GBP1: variants seen among roughly 807,000 people sequenced by gnomAD.
The protein encoded by GBP1 is guanylate-binding protein 1.
GBP1 carries 64 observed loss-of-function variants against 69.5 expected under a neutral mutation model. The ratio of observed to expected loss-of-function variants is 0.92; its 90% CI spans 0.75 to 1.13. The LOEUF (loss-of-function observed/expected upper bound fraction) is 1.13, where lower values mean the gene tolerates loss of function less well. GBP1 is among the 50% of genes most tolerant of loss of function. The pLI, the probability that GBP1 is intolerant of heterozygous loss-of-function variation, is 0.00. For synonymous variants in GBP1, 250 were observed against 261.2 expected (o/e 0.96, Z 0.41); for missense variants, 630 against 704.1 (o/e 0.89, Z 1.19).
intron 7 of GBP1, 55 bp from the exon 8 acceptor site, chr1:89,056,283 A>T: frequency 1.9e-6 from 3 of 1,612,698 alleles, no homozygotes; most frequent in Non-Finnish European, 8.5e-7. Context: ...TGTTAGCTTG[A>T]CCTCAGAATT....
chr1:89,062,673 C>A, intron 2 of GBP1: 1 of 176,716 alleles, frequency 5.7e-6, no homozygotes, highest in South Asian at 1.4e-4. Flanking sequence ...AAAATAATAT[C>A]CACTACAGAT....
intron 2 of GBP1, 136 bp downstream of exon 2, chr1:89,062,909 A>C (rs1021405850): frequency 9.8e-7 from 1 of 1,022,390 alleles, no homozygotes; most frequent in Admixed American, 2.4e-5. Context: ...GCGTGAAGAT[A>C]AGGAGCCCGA....
intron 5 of GBP1, chr1:89,058,489 G>A (rs1469165943): frequency 3.9e-6 from 2 of 517,414 alleles, no homozygotes; most frequent in Admixed American, 7.2e-5. Flanking sequence ...GTTTGCCAAT[G>A]CTTGGACTAG....
rs148954716 is a variant in GBP1, at chr1:89,063,215, A to G, written c.20T>C (p.Met7Thr). 1.3e-5 allele frequency: 21 copies of G among 1,614,014 alleles called. No individual in the cohort carries two copies. The African/African-American group carries it at 2.3e-4, about 17-fold the overall frequency. The change falls in exon 2 of 11, where the codon ATG becomes ACG. Residue 7 changes from methionine (M) to threonine (T), a missense_variant. Met to Thr is a moderately conservative substitution (Grantham distance 81, BLOSUM62 -1). Coordinates refer to ENST00000370473, the MANE Select transcript of GBP1 (RefSeq NM_002053.3). Reference protein sequence around the residue: MASEIHMTGPMCLIENT... With the variant: MASEIHTTGPMCLIENT... ...CTCAATGAGGCACATTGGGCCTGTC[A>G]TGTGGATCTCTGATGCCATGTCCAG...
chr1:89,064,240 TGA>T (rs34743787), intron 1 of GBP1, among the ~76,000 whole-genome samples: 4,828 of 99,094 alleles, frequency 0.049, 168 homozygotes, highest in Admixed American at 0.1. Flanking sequence ...TGTGTGTGTG[TGA>T]GAGAGAGAGA....
rs1185680728 is a variant in GBP1, at chr1:89,053,382, T to A, written c.1752A>T (p.Arg584Ser). 1 of 1,613,632 alleles carries A rather than the reference T, an allele frequency of 6.2e-7. No individual in the cohort carries two copies. Residue 584 changes from arginine to serine, a missense_variant, in exon 11 of 11, where the codon AGA (arginine) becomes AGT (serine). Around this residue, in one of 5 missense-constraint regions of GBP1, gnomAD observed 71 missense variants for 72.7 expected, o/e 0.98. Coordinates refer to ENST00000370473, the MANE Select transcript of GBP1 (RefSeq NM_002053.3). ...NEIQDLQTKMRRRKACTIS is the reference protein window; with the variant it reads ...NEIQDLQTKMSRRKACTIS ...AGCTTATGGTACATGCCTTTCGTCG[T>A]CTCATTTTCGTCTGGAGATCCTGTA...
chr1:89,059,465 A>G lies in GBP1; in HGVS notation c.319-39T>C, dbSNP rs529800919. 6 of 1,611,090 alleles carry G rather than the reference A, an allele frequency of 3.7e-6. No homozygotes were observed. The African/African-American group carries it at 4.0e-5, about 11-fold the overall frequency. On this transcript the variant is annotated intron_variant, in intron 3 of 10. Coordinates refer to ENST00000370473, the MANE Select transcript of GBP1 (RefSeq NM_002053.3). ...CACACTGGAGTCAGGAGCAAGTTTCATCATCGCAGCACTTTTCAGAGTAAC... is the reference window on the plus strand; with the variant it reads ...CACACTGGAGTCAGGAGCAAGTTTCGTCATCGCAGCACTTTTCAGAGTAAC...
At chr1:89,054,428 C>G (rs571062954) in intron 10 of GBP1, among the ~76,000 whole-genome samples, 13 of 152,202 alleles carry the variant, frequency 8.5e-5, no homozygotes, top group Non-Finnish European at 1.9e-4. Context: ...TGATGCCTAG[C>G]AGATAATAGC....
chr1:89,064,395 G>T (rs114704581), intron 1 of GBP1, among the ~76,000 whole-genome samples: 4 of 152,088 alleles, frequency 2.6e-5, no homozygotes, highest in Admixed American at 6.6e-5. Context: ...AGTAAGCAAA[G>T]ATATTTTCTG....
intron 10 of GBP1, among the ~76,000 whole-genome samples, chr1:89,054,011 G>GTAAATATTACTAGCTGATATATTACTAGC (rs1245490980): frequency 1.3e-5 from 2 of 152,176 alleles, no homozygotes; most frequent in African/African-American, 4.8e-5. Flanking sequence ...TTTACTAGCT[G>GTAAATATTACTAGCTGATATATTACTAGC]TGTGAACTTA....
At position 89,058,077 on chromosome 1, in the gene GBP1, C is replaced by T. The variant is rs757326291; in HGVS notation, c.789G>A (p.Val263=). The change falls in exon 6 of 11, where the codon GTG becomes GTA. Residue 263 remains valine (V), a synonymous_variant. Coordinates refer to ENST00000370473, the MANE Select transcript of GBP1 (RefSeq NM_002053.3). Reference sequence around the variant, plus strand: ...AGGAACAGAAGTCTGCTACTTGTTGCACAAATTCGGGGTCCAGCTCTTCAT... The same window carrying T: ...AGGAACAGAAGTCTGCTACTTGTTGTACAAATTCGGGGTCCAGCTCTTCAT... The part of the protein sequence containing the change: ...LQDEELDPEF[V]QQVADFCSYI... The T allele has an allele frequency of 1.2e-6, 2 of 1,614,146 alleles. No individual in the cohort carries two copies. Among genetic ancestry groups the T allele is most frequent in the South Asian group, 2.2e-5 (2 of 91,084 alleles).
chr1:89,060,243 T>C lies in GBP1; in HGVS notation c.272A>G (p.His91Arg), dbSNP rs1680146725. The C allele has an allele frequency of 6.2e-7, 1 of 1,602,016 alleles. No homozygotes were observed. The highest frequency in any genetic ancestry group is 2.3e-5 in the East Asian group (1 of 43,760). ...WCVPHPKKPG[H>R]ILVLLDTEGL... The stretch of plus-strand genomic sequence containing the variant: ...CTCGGTGTCCAGCAGAACTAGGATG[T>C]GGCCTGGCTTCTTGGGGTGGGGCAC... Residue 91 changes from histidine to arginine, a missense_variant, in exon 3 of 11, where the codon CAC (histidine) becomes CGC (arginine). Coordinates refer to ENST00000370473, the MANE Select transcript of GBP1 (RefSeq NM_002053.3).
In GBP1 at chr1:89,058,058, A is replaced by G. The variant is rs1331426589; in HGVS notation, c.808T>C (p.Cys270Arg). The change falls in exon 6 of 11, where the codon TGT becomes CGT. Residue 270 changes from cysteine (C) to arginine (R), a missense_variant. By Grantham distance (180) the Cys-to-Arg change is radical (BLOSUM62 -3). This residue lies in a region of GBP1 where 367 missense variants were observed against 369.5 expected (regional missense o/e 0.99). Transcript: ENST00000370473. ...PEFVQQVADF[C>R]SYIFSNSKTK... ...TTGGAATTACTAAAGATGTAGGAAC[A>G]GAAGTCTGCTACTTGTTGCACAAAT... 3 of 1,614,080 alleles carry G rather than the reference A, an allele frequency of 1.9e-6. No individual in the cohort carries two copies. Among genetic ancestry groups the G allele is most frequent in the Admixed American group, 1.7e-5 (1 of 60,006 alleles).
chr1:89,059,159 G>A (rs1680118502), intron 4 of GBP1, 116 bp from the exon 5 acceptor site: 1 of 1,586,660 alleles, frequency 6.3e-7, no homozygotes, highest in Non-Finnish European at 8.6e-7. Context: ...GTCAGTGTCA[G>A]TTCTAAAGTG....
Position 89,055,198 on chromosome 1 carries a change from C to T in GBP1, c.1386G>A (p.Gln462=), listed in dbSNP as rs201693908. 4 of 1,613,212 alleles carry T rather than the reference C, an allele frequency of 2.5e-6. No homozygotes were observed. The highest frequency in any genetic ancestry group is 3.4e-6 in the Non-Finnish European group (4 of 1,179,784). ...TAGACTCCTTGGATTTCAAGTATGT[C>T]TGCAGAATCTCTTCAGCCTTAGGAC... The part of the protein sequence containing the change: ...RKGIQAEEIL[Q]TYLKSKESMT... The change falls in exon 9 of 11, where the codon CAG becomes CAA. Residue 462 remains glutamine (Q), a synonymous_variant. Transcript: ENST00000370473.
rs1680251102 is a variant in GBP1 at position 89,063,309 on chromosome 1, G to A, written c.-19-56C>T. On this transcript the variant is annotated intron_variant, in intron 1 of 10. Transcript: ENST00000370473. ...TTTCTAGTGTTTTGCAATTATAAGG[G>A]AGAATCATAAGATTCCCCAGTATGG... The A allele has an allele frequency of 2.0e-6, 3 of 1,520,236 alleles. No homozygotes were observed. In the East Asian group the frequency reaches 6.8e-5, roughly 34 times the overall value. 94.2% of individuals were successfully genotyped at this position (1,520,236 alleles called of 1,614,324 possible). A position where few individuals can be genotyped will look rare whatever the true frequency, so the allele number is the denominator to read the frequency against.
At position 89,063,103 on chromosome 1, in the gene GBP1, C is replaced by G. The variant is rs145634590; in HGVS notation, c.132G>C (p.Val44=). ...AGGATTTGCCTGTGCGGTAGAGGCC[C>G]ACAATTGCCACCACCACCATAGGCT... The part of the protein sequence containing the change: ...ITQPMVVVAI[V]GLYRTGKSYL... Residue 44 remains valine, a synonymous_variant, in exon 2 of 11, where the codon GTG becomes GTC. Coordinates refer to ENST00000370473, the MANE Select transcript of GBP1 (RefSeq NM_002053.3). 5.5e-5 allele frequency: 89 copies of G among 1,614,074 alleles called. No homozygotes were observed. The African/African-American group carries it at 8.5e-4, about 15-fold the overall frequency.
At chr1:89,063,305 A>G (rs1680251004) in intron 1 of GBP1, 52 bp from the exon 2 acceptor site, 4 of 1,530,172 alleles carry the variant, frequency 2.6e-6, no homozygotes. Context: ...TTGCAATTAT[A>G]AGGGAGAATC....
At chr1:89,058,541 C>A (rs767538817) in intron 5 of GBP1, 1 of 523,942 alleles carries the variant, frequency 1.9e-6, no homozygotes, top group Non-Finnish European at 3.4e-6. Flanking sequence ...AAATAAATAT[C>A]CATTGTACTC....
Sources: gnomAD v4.1 joint callset for allele counts (sites outside exome capture counted in the v4.1 genomes callset) on GRCh38, gnomAD v4.1.1 for gene constraint, gnomAD v4.1.1 regional missense constraint, MANE v1.5 for transcripts, NCBI Gene and HGNC (gene_info 2026-07-23, HGNC 2026-07-21) for gene names.